FASTKD1: variants seen among roughly 807,000 people sequenced by gnomAD.
The protein encoded by FASTKD1 is FAST kinase domains 1, also known as FAST kinase domain-containing protein 1, mitochondrial.
Under a neutral mutation model 90.9 loss-of-function variants are expected in FASTKD1, and 94 were observed. The observed-to-expected ratio is 1.03, with a 90% CI of 0.88 to 1.23. The LOEUF (loss-of-function observed/expected upper bound fraction) is 1.23. Ranked by LOEUF, FASTKD1 falls within the 50% of genes most tolerant of loss-of-function variation. FASTKD1 has a pLI of 0.00. For synonymous variants in FASTKD1, 319 were observed against 345.8 expected (o/e 0.92, Z 0.86); for missense variants, 945 against 993.5 (o/e 0.95, Z 0.66).
rs1684809216 is a variant in FASTKD1 at position 169,538,197 on chromosome 2, C to A, written c.1946-56G>T. The A allele has an allele frequency of 3.4e-6, 5 of 1,471,922 alleles. No individual in the cohort carries two copies. In the South Asian group the frequency reaches 6.5e-5, roughly 19 times the overall value. The allele number at this position is 1,471,922 out of a possible 1,614,324, so 91.2% of individuals were successfully genotyped here. ...ATAGCTGAGACCTAGGAAAGACAAC[C>A]CATTTTTTTCACATTCATTTATCCC... On this transcript the variant is annotated intron_variant, in intron 10 of 14. Coordinates refer to ENST00000453153, the MANE Select transcript of FASTKD1 (RefSeq NM_024622.6).
intron 7 of FASTKD1, among the ~76,000 whole-genome samples, chr2:169,554,857 A>G (rs1454834685): frequency 6.6e-6 from 1 of 152,182 alleles, no homozygotes; most frequent in Non-Finnish European, 1.5e-5. Flanking sequence ...ATTTTGCAGG[A>G]AAGGAGAATG....
chr2:169,533,556 TAC>T (rs1235729942), intron 12 of FASTKD1, among the ~76,000 whole-genome samples: 2 of 152,112 alleles, frequency 1.3e-5, no homozygotes, highest in African/African-American at 2.4e-5. Context: ...ACTATATGCA[TAC>T]ACACACACAA....
intron 7 of FASTKD1, among the ~76,000 whole-genome samples, chr2:169,552,232 C>T (rs1191069943): frequency 6.6e-6 from 1 of 152,144 alleles, no homozygotes; most frequent in Non-Finnish European, 1.5e-5. Context: ...CATAAAGGCT[C>T]TCCTTACTCA....
chr2:169,544,535 C>T (rs2592819), intron 9 of FASTKD1, among the ~76,000 whole-genome samples, 186 bp downstream of exon 9: 70,611 of 151,922 alleles, frequency 0.46, 17,391 homozygotes, highest in Middle Eastern at 0.61. Flanking sequence ...CGCACCACTA[C>T]ACTCCAGCCT....
intron 12 of FASTKD1, among the ~76,000 whole-genome samples, chr2:169,536,275 A>C (rs1271186600): frequency 6.6e-6 from 1 of 152,216 alleles, no homozygotes; most frequent in African/African-American, 2.4e-5. Context: ...TTGCTCAAGG[A>C]TTGAAATCCA....
chr2:169,552,981 C>T (rs1255612811), intron 7 of FASTKD1, among the ~76,000 whole-genome samples: 7 of 151,920 alleles, frequency 4.6e-5, no homozygotes, highest in Admixed American at 2.0e-4. Flanking sequence ...CCAAAGCAGG[C>T]GGATCACTTG....
chr2:169,542,440 AAAAAGGAAAAGG>A (rs901373534), intron 9 of FASTKD1, among the ~76,000 whole-genome samples: 2 of 152,220 alleles, frequency 1.3e-5, no homozygotes, highest in African/African-American at 2.4e-5. Context: ...GACCCAAAAT[AAAAAGGAAAAGG>A]AAAAGGAAAA....
rs952272263 is a variant in FASTKD1 at position 169,546,625 on chromosome 2, C to T, written c.1294G>A (p.Asp432Asn). The change falls in exon 8 of 15, where the codon GAC becomes AAC. Residue 432 changes from aspartate to asparagine, a missense_variant. Coordinates refer to ENST00000453153, the MANE Select transcript of FASTKD1 (RefSeq NM_024622.6). ...AISLLPSPHL[D>N]EVGISRIEAV... The stretch of plus-strand genomic sequence containing the variant: ...TCAATTCGGGATATCCCCACTTCGT[C>T]CAAGTGAGGAGAAGGGAGCAGGGAA... The T allele has an allele frequency of 1.2e-5, 19 of 1,613,982 alleles. No individual in the cohort carries two copies. The highest frequency in any genetic ancestry group is 3.3e-5 in the Admixed American group (2 of 59,992).
At chr2:169,534,468 T>G (rs1231208887) in intron 12 of FASTKD1, among the ~76,000 whole-genome samples, 1 of 148,518 alleles carries the variant, frequency 6.7e-6, no homozygotes, top group South Asian at 2.1e-4. Context: ...TTTTTCTTTT[T>G]TTTTTTTTTT....
At chr2:169,569,321 A>G in intron 2 of FASTKD1, 69 bp from the exon 3 acceptor site, 1 of 1,384,050 alleles carries the variant, frequency 7.2e-7, no homozygotes, top group Non-Finnish European at 1.0e-6. Context: ...TGCAATACGA[A>G]TGATAATGCA....
At chr2:169,562,184 T>G (rs1323448118) in intron 4 of FASTKD1, among the ~76,000 whole-genome samples, 1 of 151,046 alleles carries the variant, frequency 6.6e-6, no homozygotes, top group Non-Finnish European at 1.5e-5. Context: ...TTGGTTTTTT[T>G]GGATTTTGTT....
intron 12 of FASTKD1, chr2:169,531,793 T>C (rs1268572084): frequency 4.6e-6 from 1 of 218,522 alleles, no homozygotes; most frequent in Non-Finnish European, 9.0e-6. Context: ...TTAAGGCTCT[T>C]GATTACATTT....
intron 14 of FASTKD1, 50 bp from the exon 15 acceptor site, chr2:169,529,976 A>G (rs1265409145): frequency 7.7e-7 from 1 of 1,303,400 alleles, no homozygotes; most frequent in Admixed American, 1.8e-5. Flanking sequence ...CAACAACAAA[A>G]AACATTGAGG....
At chr2:169,543,468 A>C (rs1685051062) in intron 9 of FASTKD1, among the ~76,000 whole-genome samples, 1 of 152,184 alleles carries the variant, frequency 6.6e-6, no homozygotes, top group Non-Finnish European at 1.5e-5. Flanking sequence ...TGTCTCAAAA[A>C]AAAAAGTTAT....
rs548981424 is a variant in FASTKD1, at chr2:169,557,242, C to A, written c.1027G>T (p.Ala343Ser). The A allele has an allele frequency of 1.5e-4, 238 of 1,612,780 alleles. 5 individuals are homozygous for A. The South Asian group carries it at 2.5e-3, about 17-fold the overall frequency. Residue 343 changes from alanine to serine, a missense_variant, in exon 6 of 15, where the codon GCA (alanine) becomes TCA (serine). Coordinates refer to ENST00000453153, the MANE Select transcript of FASTKD1 (RefSeq NM_024622.6). ...ATATCTCCCATTGCTCCCAACACTG[C>A]CAGGGCTTGCTCGCCAGTTAGGTCC... ...SEDLTGEQAL[A>S]VLGAMGDMES...
At chr2:169,553,599 A>G (rs1553537626) in intron 7 of FASTKD1, among the ~76,000 whole-genome samples, 1 of 152,192 alleles carries the variant, frequency 6.6e-6, no homozygotes, top group Non-Finnish European at 1.5e-5. Context: ...ATTTTCAACT[A>G]TATGCTTGGT....
intron 6 of FASTKD1, 100 bp from the exon 7 acceptor site, chr2:169,555,355 G>A (rs972419103): frequency 6.8e-5 from 64 of 945,290 alleles, no homozygotes; most frequent in South Asian, 1.8e-4. Flanking sequence ...CTGGAGAAAC[G>A]GCAATGAATG....
In FASTKD1 at chr2:169,554,220, G is replaced by A. The variant is rs527359548; in HGVS notation, c.1214+904C>T. Among the ~76,000 whole-genome samples, 23 of 137,398 alleles carry A rather than the reference G, an allele frequency of 1.7e-4. No individual in the cohort carries two copies. In the South Asian group the frequency reaches 4.9e-3, roughly 30 times the overall value. 90.1% of individuals were successfully genotyped at this position (137,398 alleles called of 152,430 possible). ...CTACAGCAAGTTATGATTGGCTGCC[G>A]TGAGCTATGATTGCACCACTGCACT... On this transcript the variant is annotated intron_variant, in intron 7 of 14. Transcript: ENST00000453153.
At position 169,538,025 on chromosome 2, in the gene FASTKD1, G is replaced by T; in HGVS notation, c.2062C>A (p.Gln688Lys). 1 of 1,601,818 alleles carries T rather than the reference G, an allele frequency of 6.2e-7. No individual in the cohort carries two copies. The highest frequency in any genetic ancestry group is 2.2e-5 in the East Asian group (1 of 44,686). ...IPWFHDRFCQQYNKGIGGMDG... is the reference protein window; with the variant it reads ...IPWFHDRFCQKYNKGIGGMDG... ...AGAAAACTCAAACCTTTATTATATT[G>T]TTGACAGAAGCGGTCATGAAACCAT... Residue 688 changes from glutamine (Q) to lysine (K), a missense_variant, in exon 11 of 15, where the codon CAA becomes AAA. Coordinates refer to ENST00000453153, the MANE Select transcript of FASTKD1 (RefSeq NM_024622.6).
Sources: allele counts gnomAD v4.1 joint callset (sites outside exome capture counted in the v4.1 genomes callset), GRCh38; gene constraint gnomAD v4.1.1; transcripts MANE v1.5; gene names NCBI Gene and HGNC (gene_info 2026-07-23, HGNC 2026-07-21).